PAX6: variants seen among roughly 807,000 people sequenced by gnomAD.
PAX6 encodes paired box protein Pax-6.
PAX6 carries 7 observed loss-of-function variants against 60.7 expected under a neutral mutation model. The ratio of observed to expected loss-of-function variants is 0.12; its 90% confidence interval spans 0.07 to 0.22. The LOEUF (loss-of-function observed/expected upper bound fraction) is 0.22. PAX6 is among the 10% of genes least tolerant of loss of function. PAX6 has a pLI of 1.00. For synonymous variants in PAX6, 208 were observed against 201.2 expected (o/e 1.03, Z -0.29); for missense variants, 355 against 555.2 (o/e 0.64, Z 3.62).
chr11:31,793,608 C>T, intron 11 of PAX6, 44 bp downstream of exon 11: 3 of 1,613,926 alleles, frequency 1.9e-6, no homozygotes, highest in Non-Finnish European at 2.5e-6. Context: ...CCGGAGCAAA[C>T]AGGTTTAAAG....
intron 8 of PAX6, among the ~76,000 whole-genome samples, chr11:31,798,842 G>A (rs1198031522): frequency 1.3e-5 from 2 of 152,206 alleles, no homozygotes; most frequent in Non-Finnish European, 2.9e-5. Flanking sequence ...CGAATCGGGC[G>A]CCACCTCTGG....
Position 31,802,716 on chromosome 11 carries a change from G to T in PAX6, c.129C>A (p.Ser43=). The T allele has an allele frequency of 6.2e-7, 1 of 1,612,792 alleles. No homozygotes were observed. Among genetic ancestry groups the T allele is most frequent in the Non-Finnish European group, 8.5e-7 (1 of 1,179,254 alleles). ...AHSGARPCDI[S]RILQTHADAK... Reference sequence around the variant, plus strand: ...CCGGGAGGATCACCTGCAGAATTCGGGAAATGTCGCACGGCCGGGCCCCGC... The same window carrying T: ...CCGGGAGGATCACCTGCAGAATTCGTGAAATGTCGCACGGCCGGGCCCCGC... The change falls in exon 5 of 14, where the codon TCC becomes TCA. Residue 43 remains serine (S), a synonymous_variant. Transcript: ENST00000640368.
At chr11:31,816,193 G>T, upstream of PAX6, 1 of 171,892 alleles carries the variant, frequency 5.8e-6, no homozygotes, top group Non-Finnish European at 1.2e-5. Flanking sequence ...GCCCCCTTCT[G>T]CCCCGGAGGG....
At chr11:31,798,646 C>A (rs1279844576) in intron 8 of PAX6, among the ~76,000 whole-genome samples, 4 of 152,244 alleles carry the variant, frequency 2.6e-5, no homozygotes, top group Admixed American at 1.3e-4. Flanking sequence ...AATCACCCCC[C>A]AAAAACCTCA....
intron 4 of PAX6, chr11:31,803,308 C>T: frequency 4.8e-6 from 1 of 210,342 alleles, no homozygotes; most frequent in South Asian, 8.3e-5. Context: ...TCCCAAAGAT[C>T]CCCTCTGAGT....
intron 1 of PAX6, among the ~76,000 whole-genome samples, chr11:31,816,832 G>A (rs773832420): frequency 1.8e-4 from 28 of 152,358 alleles, no homozygotes; most frequent in Non-Finnish European, 3.2e-4. Flanking sequence ...GGGCTAGCCG[G>A]GGCCTGGCCC....
chr11:31,809,903 C>G (rs1159127042), intron 2 of PAX6: 1 of 152,430 alleles, frequency 6.6e-6, no homozygotes, highest in African/African-American at 2.4e-5. Flanking sequence ...GAAAAATACC[C>G]ACCAAGCGCA....
At chr11:31,806,307 G>T in intron 4 of PAX6, 95 bp downstream of exon 4, 1 of 1,455,140 alleles carries the variant, frequency 6.9e-7, no homozygotes, top group Non-Finnish European at 9.4e-7. Context: ...TCGGCGGCCG[G>T]GCCAGCGCGG....
At chr11:31,791,220 C>G (rs2134459433) in intron 12 of PAX6, 1 of 378,008 alleles carries the variant, frequency 2.6e-6, no homozygotes. Context: ...TCCCCTCTCC[C>G]TGCAAATCTG....
At chr11:31,802,027 T>C in intron 5 of PAX6, 115 bp from the exon 6 acceptor site, 5 of 880,296 alleles carry the variant, frequency 5.7e-6, no homozygotes, top group South Asian at 1.6e-5. Flanking sequence ...TTTCAAACAA[T>C]TTGAACTAAA....
At chr11:31,799,376 C>T (rs1361746153) in intron 8 of PAX6, among the ~76,000 whole-genome samples, 1 of 152,098 alleles carries the variant, frequency 6.6e-6, no homozygotes, top group Non-Finnish European at 1.5e-5. Flanking sequence ...AAGAAGCGAG[C>T]GCTTTGCTCC....
chr11:31,790,729 G>A lies in PAX6; in HGVS notation c.1206C>T (p.Thr402=). The A allele has an allele frequency of 6.2e-7, 1 of 1,614,090 alleles. No individual in the cohort carries two copies. The highest frequency in any genetic ancestry group is 8.5e-7 in the Non-Finnish European group (1 of 1,180,032). ...QTHMNSQPMG[T]SGTTSTGLIS... Reference sequence around the variant, plus strand: ...GCTCACCTGTTGAAGTGGTGCCCGAGGTGCCCATTGGCTGACTGTTCATGT... The same window carrying A: ...GCTCACCTGTTGAAGTGGTGCCCGAAGTGCCCATTGGCTGACTGTTCATGT... The change falls in exon 13 of 14, where the codon ACC becomes ACT. Residue 402 remains threonine (T), a synonymous_variant. Coordinates refer to ENST00000640368, the MANE Select transcript of PAX6 (RefSeq NM_001368894.2).
At chr11:31,816,448 C>T (rs1957379119) in intron 1 of PAX6, 1 of 672,324 alleles carries the variant, frequency 1.5e-6, no homozygotes, top group Non-Finnish European at 2.7e-6. Flanking sequence ...ATTATGTCAC[C>T]GCGTTTTCTC....
At chr11:31,791,319 T>G in intron 12 of PAX6, 1 of 265,056 alleles carries the variant, frequency 3.8e-6, no homozygotes, top group Non-Finnish European at 7.4e-6. Flanking sequence ...TAAAGTATGG[T>G]TCAGGGACCT....
intron 5 of PAX6, 110 bp downstream of exon 5, chr11:31,802,594 T>G (rs904944678): frequency 2.0e-5 from 21 of 1,028,572 alleles, no homozygotes; most frequent in African/African-American, 1.5e-4. Context: ...CTGGGGTGGG[T>G]GAGGGTGGGG....
Position 31,800,794 on chromosome 11 carries a change from G to T in PAX6, c.462C>A (p.Asp154Glu). Residue 154 changes from aspartate (D) to glutamate (E), a missense_variant, in exon 8 of 14, where the codon GAC (aspartate) becomes GAA (glutamate). By Grantham distance (45) the Asp-to-Glu change is conservative. This residue lies in a region of PAX6 where 143 missense variants were observed against 183.6 expected (regional missense o/e 0.78). Coordinates refer to ENST00000640368, the MANE Select transcript of PAX6 (RefSeq NM_001368894.2). ...ACATCCTTAGTTTATCATACATGCC[G>T]TCTGCGCCCATCTGTTGCTTTTCGC... Reference protein sequence around the residue: ...LASEKQQMGADGMYDKLRMLN... With the variant: ...LASEKQQMGAEGMYDKLRMLN... 2 of 1,614,174 alleles carry T rather than the reference G, an allele frequency of 1.2e-6. No homozygotes were observed. The highest frequency in any genetic ancestry group is 1.7e-6 in the Non-Finnish European group (2 of 1,180,032).
intron 13 of PAX6, 78 bp from the exon 14 acceptor site, chr11:31,790,097 CAAA>C (rs1171009926): frequency 1.0e-3 from 151 of 145,052 alleles, no homozygotes; most frequent in Non-Finnish European, 1.3e-3. Context: ...TATAGGTTTA[CAAA>C]AAAAAAAAAA....
upstream of PAX6, chr11:31,811,782 AC>A (rs1957057960): frequency 7.1e-6 from 1 of 141,714 alleles, no homozygotes; most frequent in Non-Finnish European, 1.5e-5. Flanking sequence ...GACACAGAGC[AC>A]AGCGGCGGCC....
intron 1 of PAX6, among the ~76,000 whole-genome samples, chr11:31,817,033 A>G (rs73470373): frequency 0.22 from 33,864 of 152,210 alleles, 4,167 homozygotes; most frequent in African/African-American, 0.32. Context: ...TGGCCCTCCA[A>G]GGGCCGCAGG....
Sources: gnomAD v4.1 joint callset for allele counts (sites outside exome capture counted in the v4.1 genomes callset) on GRCh38, gnomAD v4.1.1 for gene constraint, gnomAD v4.1.1 regional missense constraint, MANE v1.5 for transcripts, NCBI Gene and HGNC (gene_info 2026-07-23, HGNC 2026-07-21) for gene names.